Variants in TMCC1 observed in about 807,000 individuals in gnomAD.
TMCC1 encodes the protein transmembrane and coiled-coil domains protein 1.
Under a neutral mutation model 52.4 loss-of-function variants are expected in TMCC1, and 15 were observed. The ratio of observed to expected loss-of-function variants is 0.29; its 90% CI spans 0.19 to 0.44. TMCC1 has a LOEUF of 0.44. TMCC1 is among the 20% of genes least tolerant of loss of function. The probability of loss-of-function intolerance (pLI) is 1.00; values close to 1 mark genes in which losing one functional copy is unlikely to be tolerated. For synonymous variants in TMCC1, 279 were observed against 301.9 expected (o/e 0.92, Z 0.79); for missense variants, 503 against 806.0 (o/e 0.62, Z 4.55).
At chr3:129,870,262 T>A (rs2060848871) in intron 2 of TMCC1, among the ~76,000 whole-genome samples, 1 of 152,114 alleles carries the variant, frequency 6.6e-6, no homozygotes, top group Non-Finnish European at 1.5e-5. Context: ...CTCCTCCAGT[T>A]AATAAGAAAC....
Position 129,651,913 on chromosome 3 carries a change from C to A in TMCC1, c.1648-118G>T, listed in dbSNP as rs5021445. ...CAATGCCAATGATTTTATAAATATG[C>A]TGGAGCCTTGAATGAATGTAAAAGG... On this transcript the variant is annotated intron_variant, in intron 6 of 6. Coordinates refer to ENST00000393238, the MANE Select transcript of TMCC1 (RefSeq NM_001017395.5). This position sits in a 1 kb window ranked among gnomAD's most constrained non-coding sequence, Gnocchi z 5.1. The A allele has an allele frequency of 0.11, 127,832 of 1,119,012 alleles. 12,146 individuals are homozygous for A. The highest frequency in any genetic ancestry group is 0.54 in the East Asian group (20,714 of 38,620). 69.3% of individuals were successfully genotyped at this position (1,119,012 alleles called of 1,614,324 possible). A position where few individuals can be genotyped will look rare whatever the true frequency, so the allele number is the denominator to read the frequency against.
chr3:129,821,423 T>G (rs1272897423), intron 4 of TMCC1, among the ~76,000 whole-genome samples: 1 of 152,202 alleles, frequency 6.6e-6, no homozygotes, highest in Non-Finnish European at 1.5e-5. Flanking sequence ...CATTAGACAC[T>G]CAAATATTTG....
intron 4 of TMCC1, among the ~76,000 whole-genome samples, chr3:129,693,741 T>C (rs1375129976): frequency 6.6e-6 from 1 of 152,200 alleles, no homozygotes; most frequent in African/African-American, 2.4e-5. Flanking sequence ...TTTAGTAGAT[T>C]GATTCTGCCT....
At chr3:129,782,320 G>C (rs1458276015) in intron 4 of TMCC1, among the ~76,000 whole-genome samples, 1 of 152,140 alleles carries the variant, frequency 6.6e-6, no homozygotes, top group African/African-American at 2.4e-5. Flanking sequence ...TGAGGAACCA[G>C]GAAAGGAGAC....
chr3:129,782,638 T>C (rs1230301648), intron 4 of TMCC1, among the ~76,000 whole-genome samples: 2 of 152,190 alleles, frequency 1.3e-5, no homozygotes, highest in Non-Finnish European at 2.9e-5. Flanking sequence ...TACTCCTTTT[T>C]TGACTCTTAC....
At chr3:129,796,714 C>T (rs763096500) in intron 4 of TMCC1, among the ~76,000 whole-genome samples, 8 of 152,140 alleles carry the variant, frequency 5.3e-5, no homozygotes, top group Non-Finnish European at 1.2e-4. Context: ...CTAACTACTA[C>T]TCAGGAGTCC....
intron 4 of TMCC1, among the ~76,000 whole-genome samples, chr3:129,815,624 G>A (rs1303181946): frequency 5.3e-5 from 8 of 152,104 alleles, no homozygotes; most frequent in African/African-American, 1.9e-4. Flanking sequence ...TTAAATCTAA[G>A]ACTGGAAACT....
rs191130033 is a variant in TMCC1 at position 129,743,243 on chromosome 3, C to T, written c.577-71979G>A. 5.6e-3 allele frequency among the ~76,000 whole-genome samples: 857 copies of T among 152,222 alleles called. 5 individuals are homozygous for T. Among genetic ancestry groups the T allele is most frequent in the Non-Finnish European group, 8.7e-3 (591 of 67,988 alleles). ...CTCCTCCATGAAATATTTCCACAGA[C>T]GAGTCTCACTTGTCAGTTTCCTCAT... On this transcript the variant is annotated intron_variant, in intron 4 of 6. Transcript: ENST00000393238.
chr3:129,890,566 A>C (rs985319076), intron 1 of TMCC1, among the ~76,000 whole-genome samples: 2 of 152,216 alleles, frequency 1.3e-5, no homozygotes, highest in Admixed American at 6.5e-5. Flanking sequence ...AATAGAATTA[A>C]ACCCTGCATG....
chr3:129,781,643 G>A, intron 4 of TMCC1, among the ~76,000 whole-genome samples: 1 of 152,154 alleles, frequency 6.6e-6, no homozygotes, highest in East Asian at 1.9e-4. Flanking sequence ...TGAGTAAAGA[G>A]AAAATAGAAT....
intron 2 of TMCC1, among the ~76,000 whole-genome samples, chr3:129,835,328 C>CATATATAT (rs3993144): frequency 1.3e-5 from 2 of 148,710 alleles, no homozygotes; most frequent in African/African-American, 4.9e-5. Flanking sequence ...CTCACTCTTT[C>CATATATAT]ATATATATAT....
chr3:129,783,272 T>C (rs540809698), intron 4 of TMCC1, among the ~76,000 whole-genome samples: 2 of 152,318 alleles, frequency 1.3e-5, no homozygotes, highest in Admixed American at 6.5e-5. Context: ...GCTCATTGAA[T>C]AGAAACGGGA....
chr3:129,726,999 C>T (rs2050160207), intron 4 of TMCC1, among the ~76,000 whole-genome samples: 1 of 150,914 alleles, frequency 6.6e-6, no homozygotes, highest in African/African-American at 2.4e-5. Flanking sequence ...GATCTAGAAT[C>T]CACATGTACT....
intron 2 of TMCC1, among the ~76,000 whole-genome samples, chr3:129,871,380 A>AG (rs2107965105): frequency 6.6e-6 from 1 of 151,868 alleles, no homozygotes; most frequent in East Asian, 1.9e-4. Flanking sequence ...AAAAAAAAAA[A>AG]AAAAAAAGAA....
intron 4 of TMCC1, chr3:129,688,542 G>A (rs1046332238): frequency 4.1e-6 from 4 of 985,338 alleles, no homozygotes; most frequent in African/African-American, 3.5e-5. Flanking sequence ...TAATACCCTC[G>A]CATAGCCAAT....
At chr3:129,729,716 T>C (rs555788513) in intron 4 of TMCC1, among the ~76,000 whole-genome samples, 5 of 152,218 alleles carry the variant, frequency 3.3e-5, no homozygotes, top group Non-Finnish European at 7.3e-5. Context: ...TATACCTAAC[T>C]TACTGAACAT....
intron 4 of TMCC1, among the ~76,000 whole-genome samples, chr3:129,730,373 A>C (rs933820504): frequency 6.6e-6 from 1 of 152,190 alleles, no homozygotes; most frequent in African/African-American, 2.4e-5. Context: ...TTTTGCCTAC[A>C]GATTTCTACT....
At chr3:129,689,759 G>A (rs1474436243) in intron 4 of TMCC1, among the ~76,000 whole-genome samples, 1 of 152,138 alleles carries the variant, frequency 6.6e-6, no homozygotes, top group Non-Finnish European at 1.5e-5. Flanking sequence ...AGAAAATGCT[G>A]GGTTGAAACC....
At chr3:129,774,748 G>C (rs573716545) in intron 4 of TMCC1, among the ~76,000 whole-genome samples, 1 of 152,306 alleles carries the variant, frequency 6.6e-6, no homozygotes, top group South Asian at 2.1e-4. Flanking sequence ...ACCAGGAAAA[G>C]GGAACGAGTG....
Sources: allele counts gnomAD v4.1 joint callset (sites outside exome capture counted in the v4.1 genomes callset), GRCh38; gene constraint gnomAD v4.1.1; non-coding constraint Gnocchi (gnomAD v3.1); transcripts MANE v1.5; gene names NCBI Gene and HGNC (gene_info 2026-07-23, HGNC 2026-07-21).